Variants in ZNF385D observed in about 807,000 individuals in gnomAD.
The protein encoded by ZNF385D is zinc finger protein 659.
ZNF385D carries 15 observed loss-of-function variants against 35.8 expected under a neutral mutation model. That is an observed-to-expected ratio of 0.42 (90% CI 0.28 to 0.64). The LOEUF (loss-of-function observed/expected upper bound fraction) is 0.64. Among genes scored for constraint, ZNF385D ranks in the 30% least tolerant of loss-of-function variants. The pLI is 0.23. For missense variants in ZNF385D, 474 were observed against 494.6 expected (o/e 0.96, Z 0.39); for synonymous variants, 212 against 186.8 (o/e 1.13, Z -1.10).
At chr3:22,259,375 T>C (rs1188968475) in intron 2 of ZNF385D, among the ~76,000 whole-genome samples, 1 of 151,956 alleles carries the variant, frequency 6.6e-6, no homozygotes, top group African/African-American at 2.4e-5. Context: ...TAAGTCATTT[T>C]CTTTAAATTT....
chr3:21,863,940 A>C (rs1393870928), intron 3 of ZNF385D, among the ~76,000 whole-genome samples: 1 of 152,162 alleles, frequency 6.6e-6, no homozygotes, highest in Admixed American at 6.5e-5. Context: ...GCAGATTCTG[A>C]TTCAGCAAAT....
intron 3 of ZNF385D, among the ~76,000 whole-genome samples, chr3:21,756,889 A>C (rs930546374): frequency 2.0e-4 from 31 of 152,164 alleles, no homozygotes; most frequent in African/African-American, 7.5e-4. Context: ...GTAGTGTTTT[A>C]ATCAGAATTT....
intron 3 of ZNF385D, among the ~76,000 whole-genome samples, chr3:22,149,640 C>T (rs376360836): frequency 1.3e-5 from 2 of 152,086 alleles, no homozygotes; most frequent in African/African-American, 4.8e-5. Context: ...TACTTGGGTC[C>T]ATATCTGAGA....
At chr3:21,441,453 T>C (rs1350013189) in intron 4 of ZNF385D, among the ~76,000 whole-genome samples, 1 of 152,348 alleles carries the variant, frequency 6.6e-6, no homozygotes, top group African/African-American at 2.4e-5. Flanking sequence ...CATGTGCTCT[T>C]CATTTGTTTT....
chr3:21,796,994 G>A (rs2072183284), intron 3 of ZNF385D, among the ~76,000 whole-genome samples: 1 of 152,148 alleles, frequency 6.6e-6, no homozygotes, highest in African/African-American at 2.4e-5. Context: ...ATGCAAGAAA[G>A]GCTTGACAAA....
At chr3:21,452,214 T>C (rs1054256975) in intron 4 of ZNF385D, among the ~76,000 whole-genome samples, 1 of 152,058 alleles carries the variant, frequency 6.6e-6, no homozygotes, top group Admixed American at 6.6e-5. Context: ...ACAAACTAAC[T>C]GTAATCATTT....
At chr3:22,314,320 T>C (rs1232984236) in intron 2 of ZNF385D, among the ~76,000 whole-genome samples, 3 of 152,142 alleles carry the variant, frequency 2.0e-5, no homozygotes, top group Non-Finnish European at 2.9e-5. Flanking sequence ...ATCATTCTTA[T>C]GCCTTTGCAC....
chr3:22,297,516 T>C (rs1702654838), intron 2 of ZNF385D, among the ~76,000 whole-genome samples: 1 of 152,028 alleles, frequency 6.6e-6, no homozygotes, highest in Admixed American at 6.6e-5. Flanking sequence ...GAAGGGGGCA[T>C]GGCTGAAGTG....
intron 3 of ZNF385D, among the ~76,000 whole-genome samples, chr3:21,848,102 C>T (rs931097299): frequency 3.3e-5 from 5 of 152,162 alleles, no homozygotes; most frequent in East Asian, 1.9e-4. Context: ...ACTTATTTCA[C>T]TTAGCCCAAT....
At chr3:22,065,969 C>A (rs147834152) in intron 3 of ZNF385D, among the ~76,000 whole-genome samples, 4 of 152,020 alleles carry the variant, frequency 2.6e-5, no homozygotes, top group Non-Finnish European at 4.4e-5. Flanking sequence ...AGTTTTGACA[C>A]TGGACCACCT....
At chr3:21,575,307 A>G (rs913944442) in intron 2 of ZNF385D, among the ~76,000 whole-genome samples, 4 of 152,184 alleles carry the variant, frequency 2.6e-5, no homozygotes, top group Non-Finnish European at 5.9e-5. Context: ...ATGGAGGTAC[A>G]CAAAAAGTCT....
At chr3:22,126,359 A>C (rs144818612) in intron 3 of ZNF385D, among the ~76,000 whole-genome samples, 1,851 of 106,002 alleles carry the variant, frequency 0.017, 41 homozygotes, top group African/African-American at 0.062. Context: ...ACTTGTTGCT[A>C]TTAACCTTCC....
chr3:21,692,239 T>C (rs980306792), intron 1 of ZNF385D, among the ~76,000 whole-genome samples: 1 of 152,150 alleles, frequency 6.6e-6, no homozygotes, highest in East Asian at 1.9e-4. Context: ...AAGGAACTTG[T>C]TCATATTCAC....
chr3:21,977,027 T>C (rs760582799), intron 3 of ZNF385D, among the ~76,000 whole-genome samples: 1 of 152,170 alleles, frequency 6.6e-6, no homozygotes, highest in South Asian at 2.1e-4. Flanking sequence ...CTGCTACATA[T>C]AACAACATTG....
At chr3:21,794,879 C>G (rs1354116981) in intron 3 of ZNF385D, among the ~76,000 whole-genome samples, 1 of 152,132 alleles carries the variant, frequency 6.6e-6, no homozygotes, top group Non-Finnish European at 1.5e-5. Flanking sequence ...CTGAACATTG[C>G]AAATATTGTC....
chr3:21,990,070 A>T (rs1695065670), intron 3 of ZNF385D, among the ~76,000 whole-genome samples: 1 of 152,226 alleles, frequency 6.6e-6, no homozygotes. Context: ...CTCCAAATGC[A>T]AGATTCTGCT....
At chr3:22,258,643 A>C (rs1700442297) in intron 2 of ZNF385D, among the ~76,000 whole-genome samples, 2 of 151,750 alleles carry the variant, frequency 1.3e-5, no homozygotes. Context: ...TATACACAAA[A>C]ATAATTAAGT....
intron 3 of ZNF385D, among the ~76,000 whole-genome samples, chr3:22,015,851 C>G (rs1309657169): frequency 1.3e-5 from 2 of 152,060 alleles, no homozygotes; most frequent in Admixed American, 6.6e-5. Flanking sequence ...TCTAGAGGAG[C>G]AGCCCAGGGC....
intron 3 of ZNF385D, among the ~76,000 whole-genome samples, chr3:21,857,347 G>C (rs1575786875): frequency 6.6e-6 from 1 of 152,230 alleles, no homozygotes; most frequent in Admixed American, 6.5e-5. Flanking sequence ...TGTATCCTCA[G>C]GCCTAGAACA....
Sources: gnomAD v4.1 joint callset for allele counts (sites outside exome capture counted in the v4.1 genomes callset) on GRCh38, gnomAD v4.1.1 for gene constraint, MANE v1.5 for transcripts, NCBI Gene and HGNC (gene_info 2026-07-23, HGNC 2026-07-21) for gene names.